Variants in RMND5B observed in about 807,000 individuals in gnomAD.
The protein encoded by RMND5B is E3 ubiquitin-protein transferase RMND5B.
RMND5B carries 42 observed loss-of-function variants against 50.4 expected under a neutral mutation model. The ratio of observed to expected loss-of-function variants is 0.83; its 90% CI spans 0.65 to 1.08. The LOEUF (loss-of-function observed/expected upper bound fraction) is 1.08. Among genes scored for constraint, RMND5B ranks in the 50% least tolerant of loss-of-function variants. The pLI is 0.00. For missense variants in RMND5B, 463 were observed against 508.5 expected (o/e 0.91, Z 0.86); for synonymous variants, 220 against 210.0 (o/e 1.05, Z -0.41).
chr5:178,146,051 C>T, intron 7 of RMND5B, 63 bp from the exon 8 acceptor site: 1 of 1,558,910 alleles, frequency 6.4e-7, no homozygotes. Context: ...AGTCCTGCTG[C>T]CCGCTTGGGG....
Position 178,144,128 on chromosome 5 carries a change from G to C in RMND5B, c.694+20G>C. On this transcript the variant is annotated intron_variant, in intron 7 of 10. Transcript: ENST00000313386. ...AGCGGGGTGAGTGCCCAGGCAGCTG[G>C]GGTTGTGCTGCCTGGCCTGACACAT... The C allele has an allele frequency of 6.2e-7, 1 of 1,608,646 alleles. No individual in the cohort carries two copies.
intron 3 of RMND5B, among the ~76,000 whole-genome samples, chr5:178,139,778 G>A (rs1434410178): frequency 6.2e-5 from 9 of 144,030 alleles, no homozygotes; most frequent in South Asian, 2.2e-4. Flanking sequence ...GGCTGGTCTC[G>A]AACTCCCGAT....
chr5:178,139,710 A>ATTTTTTTTTTT (rs113719288), intron 3 of RMND5B, among the ~76,000 whole-genome samples: 2 of 129,902 alleles, frequency 1.5e-5, no homozygotes, highest in African/African-American at 5.9e-5. Context: ...TGCCTGGCTA[A>ATTTTTTTTTTT]TTTTTTTTTT....
chr5:178,132,105 C>T (rs1395169621), intron 2 of RMND5B, among the ~76,000 whole-genome samples: 1 of 151,978 alleles, frequency 6.6e-6, no homozygotes, highest in Non-Finnish European at 1.5e-5. Context: ...TTGAGCTCAG[C>T]ACTTCAAGAC....
In RMND5B at chr5:178,148,206, A is replaced by G. The variant is rs538014579; in HGVS notation, c.*174A>G. On this transcript the variant is annotated 3_prime_UTR_variant, in exon 11 of 11. Coordinates refer to ENST00000313386, the MANE Select transcript of RMND5B (RefSeq NM_022762.5). The stretch of plus-strand genomic sequence containing the variant: ...TGGCAGAGGCTGAGGAGGGAGATGG[A>G]CCAGCCCACGCCTGGCACCTGGCTC... 2 of 655,902 alleles carry G rather than the reference A, an allele frequency of 3.0e-6. No homozygotes were observed. The highest frequency in any genetic ancestry group is 3.5e-5 in the South Asian group (2 of 56,676). 40.6% of individuals were successfully genotyped at this position (655,902 alleles called of 1,614,324 possible). A position where few individuals can be genotyped will look rare whatever the true frequency, so the allele number is the denominator to read the frequency against.
At chr5:178,145,472 G>A (rs1325844687) in intron 7 of RMND5B, among the ~76,000 whole-genome samples, 4 of 144,972 alleles carry the variant, frequency 2.8e-5, no homozygotes, top group Admixed American at 7.0e-5. Flanking sequence ...CCAGCCTGGC[G>A]ACAGAGCGAG....
At chr5:178,144,702 G>A (rs956339867) in intron 7 of RMND5B, among the ~76,000 whole-genome samples, 1 of 107,110 alleles carries the variant, frequency 9.3e-6, no homozygotes, top group South Asian at 3.0e-4. Context: ...CTGGGTGACA[G>A]AGTGAGACTC....
In RMND5B at chr5:178,147,086, C is replaced by T. The variant is rs185416672; in HGVS notation, c.861-447C>T. Reference sequence around the variant, plus strand: ...AGGTTCCAGCCAGTAGGCTCCCTTCCCCATGCAACTGTCACGAGAAGGGAA... The same window carrying T: ...AGGTTCCAGCCAGTAGGCTCCCTTCTCCATGCAACTGTCACGAGAAGGGAA... On this transcript the variant is annotated intron_variant, in intron 8 of 10. Coordinates refer to ENST00000313386, the MANE Select transcript of RMND5B (RefSeq NM_022762.5). 3.3e-5 allele frequency: 6 copies of T among 179,900 alleles called. No homozygotes were observed. In the East Asian group the frequency reaches 7.7e-4, roughly 23 times the overall value. The allele number at this position is 179,900 out of a possible 1,614,324, so 11.1% of individuals were successfully genotyped here. A position where few individuals can be genotyped will look rare whatever the true frequency, so the allele number is the denominator to read the frequency against.
chr5:178,148,218 C>T lies in RMND5B; in HGVS notation c.*186C>T. 1 of 620,062 alleles carries T rather than the reference C, an allele frequency of 1.6e-6. No homozygotes were observed. Among genetic ancestry groups the T allele is most frequent in the South Asian group, 1.9e-5 (1 of 52,878 alleles). The allele number at this position is 620,062 out of a possible 1,614,324, so 38.4% of individuals were successfully genotyped here. On this transcript the variant is annotated 3_prime_UTR_variant, in exon 11 of 11. Coordinates refer to ENST00000313386, the MANE Select transcript of RMND5B (RefSeq NM_022762.5). ...AGGAGGGAGATGGACCAGCCCACGC[C>T]TGGCACCTGGCTCCATGGCATAAGG...
At chr5:178,139,568 A>G (rs1758804318) in intron 3 of RMND5B, among the ~76,000 whole-genome samples, 1 of 132,446 alleles carries the variant, frequency 7.6e-6, no homozygotes, top group African/African-American at 2.9e-5. Flanking sequence ...TTTGATATAG[A>G]GTTTTGCTCT....
intron 2 of RMND5B, chr5:178,136,029 T>C (rs1338762238): frequency 6.6e-6 from 1 of 152,262 alleles, no homozygotes; most frequent in East Asian, 1.9e-4. Context: ...GGTGAAACAG[T>C]GGCCTGTGAA....
chr5:178,147,996 G>A lies in RMND5B; in HGVS notation c.1146G>A (p.Glu382=). The A allele has an allele frequency of 6.2e-7, 1 of 1,614,112 alleles. No homozygotes were observed. Among genetic ancestry groups the A allele is most frequent in the Non-Finnish European group, 8.5e-7 (1 of 1,180,018 alleles). Residue 382 remains glutamate (E), a synonymous_variant, in exon 11 of 11, where the codon GAG becomes GAA. Coordinates refer to ENST00000313386, the MANE Select transcript of RMND5B (RefSeq NM_022762.5). ...GKLKCPYCPM[E]QNPADGKRII... ...TGAAGTGTCCCTACTGTCCCATGGA[G>A]CAGAACCCGGCAGATGGGAAACGCA...
rs75559056 is a variant in RMND5B, at chr5:178,131,706, AT to A, written c.-13+332del. ...ACGGGACATTTGCGTTGAGACCCAA[AT>A]TAGGAGGCAGGCTTAGGAAGATACG... On this transcript the variant is annotated intron_variant, in intron 2 of 10. Coordinates refer to ENST00000313386, the MANE Select transcript of RMND5B (RefSeq NM_022762.5). Among the ~76,000 whole-genome samples, 96 of 152,208 alleles carry A rather than the reference AT, an allele frequency of 6.3e-4. 2 individuals are homozygous for A. In the East Asian group the frequency reaches 0.012, roughly 19 times the overall value.
In RMND5B at chr5:178,146,275, G is replaced by A. The variant is rs763764862; in HGVS notation, c.856G>A (p.Val286Ile). Residue 286 changes from valine to isoleucine, a missense_variant, in exon 8 of 11, where the codon GTC (valine) becomes ATC (isoleucine). Physicochemically the swap from Val to Ile is conservative, Grantham distance 29 (BLOSUM62 3). Coordinates refer to ENST00000313386, the MANE Select transcript of RMND5B (RefSeq NM_022762.5). ...LGLSVESPLSVSFASGCVALP... is the reference protein window; with the variant it reads ...LGLSVESPLSISFASGCVALP... ...GCTTTCTGTGGAGTCCCCCCTTAGC[G>A]TCAGGTACAACCCAGCCCTGTGAGG... 1.2e-6 allele frequency: 2 copies of A among 1,613,996 alleles called. No individual in the cohort carries two copies. Among genetic ancestry groups the A allele is most frequent in the South Asian group, 1.1e-5 (1 of 91,080 alleles).
At position 178,145,282 on chromosome 5, in the gene RMND5B, C is replaced by T. The variant is rs1012805166; in HGVS notation, c.695-832C>T. The stretch of plus-strand genomic sequence containing the variant: ...CGGGTGGATCATGAGGTCAAGAGAT[C>T]GAGACCATCCTGGCCAACATGGTGA... On this transcript the variant is annotated intron_variant, in intron 7 of 10. Transcript: ENST00000313386. Among the ~76,000 whole-genome samples, 5 of 151,850 alleles carry T rather than the reference C, an allele frequency of 3.3e-5. No homozygotes were observed. The South Asian group carries it at 6.2e-4, about 19-fold the overall frequency.
At chr5:178,135,131 T>G (rs1758549429) in intron 2 of RMND5B, 1 of 172,114 alleles carries the variant, frequency 5.8e-6, no homozygotes, top group Non-Finnish European at 1.3e-5. Context: ...TCTGATGTGT[T>G]TGGTGTATAT....
intron 5 of RMND5B, among the ~76,000 whole-genome samples, 186 bp downstream of exon 5, chr5:178,143,178 T>TA (rs761469583): frequency 2.0e-5 from 3 of 152,348 alleles, no homozygotes; most frequent in Non-Finnish European, 2.9e-5. Flanking sequence ...CATTTTTAGT[T>TA]AGAGTTGGTT....
rs1477497522 is a variant in RMND5B, at chr5:178,147,985, T to C, written c.1135T>C (p.Cys379Arg). The C allele has an allele frequency of 5.0e-6, 8 of 1,614,028 alleles. No homozygotes were observed. The highest frequency in any genetic ancestry group is 1.1e-5 in the South Asian group (1 of 91,076). Residue 379 changes from cysteine to arginine, a missense_variant, in exon 11 of 11, where the codon TGT becomes CGT. Coordinates refer to ENST00000313386, the MANE Select transcript of RMND5B (RefSeq NM_022762.5). ...CCTTTGCAGGCTGAAGTGTCCCTACTGTCCCATGGAGCAGAACCCGGCAGA... is the reference window on the plus strand; with the variant it reads ...CCTTTGCAGGCTGAAGTGTCCCTACCGTCCCATGGAGCAGAACCCGGCAGA... The part of the protein sequence containing the change: ...INGGKLKCPY[C>R]PMEQNPADGK...
At chr5:178,135,553 C>T (rs542712084) in intron 2 of RMND5B, among the ~76,000 whole-genome samples, 22 of 152,326 alleles carry the variant, frequency 1.4e-4, no homozygotes, top group African/African-American at 5.3e-4. Context: ...AAATGCTCCA[C>T]AGGTTTCCAT....
Sources: allele counts gnomAD v4.1 joint callset (sites outside exome capture counted in the v4.1 genomes callset), GRCh38; gene constraint gnomAD v4.1.1; transcripts MANE v1.5; gene names NCBI Gene and HGNC (gene_info 2026-07-23, HGNC 2026-07-21).